SUSD5: variants seen among roughly 807,000 people sequenced by gnomAD.
The protein encoded by SUSD5 is sushi domain-containing protein 5.
A neutral mutation model predicts 29.5 loss-of-function variants in SUSD5; 33 were observed. That is an observed-to-expected ratio of 1.12 (90% confidence interval 0.85 to 1.49). The LOEUF (loss-of-function observed/expected upper bound fraction) is 1.49, where lower values mean the gene tolerates loss of function less well. Ranked by LOEUF, SUSD5 falls within the 40% of genes most tolerant of loss-of-function variation. The pLI is 0.00. For synonymous variants in SUSD5, 308 were observed against 325.3 expected (o/e 0.95, Z 0.57); for missense variants, 776 against 800.6 (o/e 0.97, Z 0.37).
intron 3 of SUSD5, among the ~76,000 whole-genome samples, chr3:33,199,772 C>T (rs1439477718): frequency 1.3e-5 from 2 of 152,142 alleles, no homozygotes; most frequent in Non-Finnish European, 2.9e-5. Context: ...GGCGATTAGG[C>T]CATGCTATGG....
At chr3:33,183,383 T>G (rs887887380) in intron 3 of SUSD5, among the ~76,000 whole-genome samples, 2 of 152,208 alleles carry the variant, frequency 1.3e-5, no homozygotes, top group Non-Finnish European at 2.9e-5. Context: ...CTTTCCTTTC[T>G]TAACGTATCA....
chr3:33,165,230 C>A (rs578140320), intron 4 of SUSD5, among the ~76,000 whole-genome samples: 1 of 152,296 alleles, frequency 6.6e-6, no homozygotes, highest in East Asian at 1.9e-4. Flanking sequence ...ATGTGTCTCA[C>A]AGACATAATG....
chr3:33,210,871 C>T (rs998021141), intron 2 of SUSD5, among the ~76,000 whole-genome samples: 2 of 134,904 alleles, frequency 1.5e-5, no homozygotes, highest in Non-Finnish European at 3.4e-5. Flanking sequence ...TCTTTATTTT[C>T]TTTCTTTCAT....
At chr3:33,193,527 G>A (rs1480785547) in intron 3 of SUSD5, among the ~76,000 whole-genome samples, 2 of 152,192 alleles carry the variant, frequency 1.3e-5, no homozygotes, top group Non-Finnish European at 2.9e-5. Flanking sequence ...TGGGCCACAA[G>A]CAATGCCCAT....
intron 3 of SUSD5, among the ~76,000 whole-genome samples, chr3:33,187,568 G>C (rs951320673): frequency 3.3e-5 from 5 of 152,004 alleles, no homozygotes; most frequent in Non-Finnish European, 7.4e-5. Flanking sequence ...AACCTCACAA[G>C]GGAGCTATGG....
intron 3 of SUSD5, among the ~76,000 whole-genome samples, chr3:33,180,169 T>C (rs764373055): frequency 2.6e-5 from 4 of 152,150 alleles, no homozygotes; most frequent in Non-Finnish European, 5.9e-5. Flanking sequence ...GGCAGGTCCT[T>C]CAAGAGATAT....
intron 4 of SUSD5, among the ~76,000 whole-genome samples, chr3:33,166,129 G>A (rs1247011070): frequency 2.0e-5 from 3 of 152,162 alleles, no homozygotes; most frequent in African/African-American, 7.2e-5. Flanking sequence ...TTCACTCTGG[G>A]ACGGACAGTT....
chr3:33,187,900 A>G (rs536432720), intron 3 of SUSD5, among the ~76,000 whole-genome samples: 93 of 145,926 alleles, frequency 6.4e-4, no homozygotes, highest in Admixed American at 6.1e-3. Flanking sequence ...GAGAACATGC[A>G]GTGTTTGGTT....
At chr3:33,211,203 C>G (rs1451552034) in intron 2 of SUSD5, among the ~76,000 whole-genome samples, 4 of 152,090 alleles carry the variant, frequency 2.6e-5, no homozygotes, top group Non-Finnish European at 4.4e-5. Context: ...TGTATGTTTT[C>G]TTTGTAAGGT....
chr3:33,171,202 C>A (rs1375717509), intron 4 of SUSD5, among the ~76,000 whole-genome samples: 6 of 152,130 alleles, frequency 3.9e-5, no homozygotes, highest in African/African-American at 1.4e-4. Context: ...ACAAAATTAG[C>A]CAGGCGTGGT....
intron 3 of SUSD5, among the ~76,000 whole-genome samples, chr3:33,193,663 A>T (rs1381329086): frequency 1.3e-5 from 2 of 152,116 alleles, no homozygotes; most frequent in African/African-American, 4.8e-5. Context: ...GAGTGAGGGG[A>T]GATGAGGGTG....
At chr3:33,178,657 A>G (rs879456372) in intron 3 of SUSD5, among the ~76,000 whole-genome samples, 6 of 152,152 alleles carry the variant, frequency 3.9e-5, no homozygotes, top group Non-Finnish European at 8.8e-5. Context: ...CGTGTTAGCC[A>G]GGATGGTCTC....
chr3:33,163,263 GA>G (rs1424494841), intron 4 of SUSD5, among the ~76,000 whole-genome samples: 1 of 152,048 alleles, frequency 6.6e-6, no homozygotes, highest in Non-Finnish European at 1.5e-5. Context: ...CAATCTCACT[GA>G]ACATAGATGC....
intron 3 of SUSD5, among the ~76,000 whole-genome samples, chr3:33,189,731 GATTGGCATAGTTAAGA>G (rs2031853522): frequency 7.2e-5 from 11 of 152,266 alleles, no homozygotes; most frequent in Admixed American, 4.6e-4. Flanking sequence ...ATTCTAATTA[GATTGGCATAGTTAAGA>G]CCAAAAATAT....
chr3:33,195,574 T>C (rs564574138), intron 3 of SUSD5, among the ~76,000 whole-genome samples: 3 of 152,296 alleles, frequency 2.0e-5, no homozygotes, highest in Admixed American at 2.0e-4. Context: ...GATATATGCA[T>C]GAAGATGTTC....
rs75415665 is a variant in SUSD5 at position 33,203,679 on chromosome 3, A to G, written c.409+4129T>C. 2.1e-4 allele frequency among the ~76,000 whole-genome samples: 32 copies of G among 152,320 alleles called. No homozygotes were observed. The East Asian group carries it at 5.6e-3, about 27-fold the overall frequency. ...GCATGGGCATGAGCTCAGGGAGCCC[A>G]AAAGCTGAGACGACCTAGATACTCT... is the stretch of plus-strand genomic sequence containing the variant. On this transcript the variant is annotated intron_variant, in intron 3 of 4. Transcript: ENST00000309558.
intron 4 of SUSD5, among the ~76,000 whole-genome samples, chr3:33,174,272 A>C (rs1285527619): frequency 2.0e-5 from 3 of 152,002 alleles, no homozygotes; most frequent in Admixed American, 6.6e-5. Flanking sequence ...TCCACCCCTC[A>C]CCACCCCTGC....
chr3:33,173,050 T>TA (rs1356234966), intron 4 of SUSD5, among the ~76,000 whole-genome samples: 2 of 152,372 alleles, frequency 1.3e-5, no homozygotes, highest in Non-Finnish European at 2.9e-5. Context: ...AATTCTATAA[T>TA]ATGTAAATGA....
At chr3:33,192,639 C>T (rs1433399107) in intron 3 of SUSD5, among the ~76,000 whole-genome samples, 1 of 151,540 alleles carries the variant, frequency 6.6e-6, no homozygotes, top group African/African-American at 2.4e-5. Context: ...GAAATCCCAT[C>T]TCTACTAAAA....
Sources: gnomAD v4.1 joint callset for allele counts (sites outside exome capture counted in the v4.1 genomes callset) on GRCh38, gnomAD v4.1.1 for gene constraint, MANE v1.5 for transcripts, NCBI Gene and HGNC (gene_info 2026-07-23, HGNC 2026-07-21) for gene names.